ZNF283: variants seen among roughly 807,000 people sequenced by gnomAD.
ZNF283 encodes zinc finger protein 283, also known as zinc finger protein 41.
ZNF283 carries 10 observed loss-of-function variants against 9.2 expected under a neutral mutation model. The observed-to-expected ratio is 1.09, with a 90% CI of 0.67 to 1.85. The LOEUF (loss-of-function observed/expected upper bound fraction) is 1.85, where lower values mean the gene tolerates loss of function less well. ZNF283 is among the 40% of genes most tolerant of loss of function. The pLI is 0.00. For missense variants in ZNF283, 631 were observed against 760.1 expected (o/e 0.83, Z 2.00); for synonymous variants, 234 against 244.1 (o/e 0.96, Z 0.38).
Position 43,833,544 on chromosome 19 carries a change from T to C in ZNF283, c.40T>C (p.Cys14Arg), listed in dbSNP as rs190134631. Reference sequence around the variant, plus strand: ...TGTCGCCCAGGCTGGAGTGCAGTGGTGCGATCTTGGCTCACTGCAAGCTCC... The same window carrying C: ...TGTCGCCCAGGCTGGAGTGCAGTGGCGCGATCTTGGCTCACTGCAAGCTCC... ...RSVAQAGVQW[C>R]DLGSLQAPPP... The change falls in exon 4 of 7, where the codon TGC becomes CGC. Residue 14 changes from cysteine (C) to arginine (R), a missense_variant. Coordinates refer to ENST00000618787, the MANE Select transcript of ZNF283 (RefSeq NM_181845.2). The C allele has an allele frequency of 4.8e-3, 908 of 187,962 alleles. 3 individuals are homozygous for C. Among genetic ancestry groups the C allele is most frequent in the African/African-American group, 0.021 (778 of 37,828 alleles). The allele number at this position is 187,962 out of a possible 1,614,324, so 11.6% of individuals were successfully genotyped here.
At chr19:43,835,395 T>C in intron 4 of ZNF283, 110 bp from the exon 5 acceptor site, 2 of 721,094 alleles carry the variant, frequency 2.8e-6, no homozygotes, top group South Asian at 3.1e-5. Flanking sequence ...AAATGGTGCG[T>C]GGGGTGTGTA....
rs757130205 is a variant in ZNF283 at position 43,837,082 on chromosome 19, C to T, written c.240C>T (p.Ile80=). ...DGLVTFRDVA[I]DFSQEEWECL... is the part of the protein sequence containing the mutation. Reference sequence around the variant, plus strand: ...TGGTGACATTCAGGGATGTGGCCATCGACTTCTCTCAGGAGGAGTGGGAAT... The same window carrying T: ...TGGTGACATTCAGGGATGTGGCCATTGACTTCTCTCAGGAGGAGTGGGAAT... Residue 80 remains isoleucine (I), a synonymous_variant, in exon 6 of 7, where the codon ATC becomes ATT. Transcript: ENST00000618787. 9.9e-6 allele frequency: 16 copies of T among 1,613,924 alleles called. No individual in the cohort carries two copies. The highest frequency in any genetic ancestry group is 1.7e-5 in the Admixed American group (1 of 59,992).
At chr19:43,837,754 C>T (rs1345233922) in intron 6 of ZNF283, 1 of 152,340 alleles carries the variant, frequency 6.6e-6, no homozygotes, top group Non-Finnish European at 1.5e-5. Flanking sequence ...GGAACGCTTT[C>T]TTGAACAGAG....
intron 3 of ZNF283, among the ~76,000 whole-genome samples, 171 bp from the exon 4 acceptor site, chr19:43,833,334 C>T (rs1365350148): frequency 6.6e-6 from 1 of 152,062 alleles, no homozygotes; most frequent in African/African-American, 2.4e-5. Flanking sequence ...GAACCAACAC[C>T]ATCATAACTA....
chr19:43,838,456 T>C (rs1452086610), intron 6 of ZNF283, among the ~76,000 whole-genome samples: 3 of 152,056 alleles, frequency 2.0e-5, no homozygotes, highest in Non-Finnish European at 4.4e-5. Flanking sequence ...CAAAACCCCA[T>C]CTCTACAAAA....
intron 6 of ZNF283, among the ~76,000 whole-genome samples, chr19:43,842,968 G>A (rs781598335): frequency 1.5e-4 from 23 of 152,158 alleles, no homozygotes; most frequent in Non-Finnish European, 1.2e-4. Context: ...TAATGAAATG[G>A]GAAGTATCCA....
chr19:43,830,461 A>T (rs532615522), intron 2 of ZNF283, among the ~76,000 whole-genome samples: 53 of 152,208 alleles, frequency 3.5e-4, no homozygotes, highest in African/African-American at 1.3e-3. Context: ...ATTGAGACTA[A>T]ATTTTTGTAA....
At chr19:43,833,119 G>A (rs1970789271) in intron 3 of ZNF283, among the ~76,000 whole-genome samples, 1 of 151,706 alleles carries the variant, frequency 6.6e-6, no homozygotes, top group African/African-American at 2.4e-5. Flanking sequence ...CTCTTCTATG[G>A]TAGACACTGT....
In ZNF283 at chr19:43,847,945, A is replaced by G; in HGVS notation, c.1344A>G (p.Gln448=). ...TTAGTCGTGGCTATCACCTTTCTCA[A>G]CATCAGAAAATCCATACTGGTGAGA... ...KAFSRGYHLS[Q]HQKIHTGEKP... The change falls in exon 7 of 7, where the codon CAA becomes CAG. Residue 448 remains glutamine, a synonymous_variant. Transcript: ENST00000618787. The G allele has an allele frequency of 6.2e-7, 1 of 1,613,794 alleles. No individual in the cohort carries two copies. Among genetic ancestry groups the G allele is most frequent in the Non-Finnish European group, 8.5e-7 (1 of 1,179,894 alleles).
intron 3 of ZNF283, 69 bp downstream of exon 3, chr19:43,831,450 C>T: frequency 8.0e-7 from 1 of 1,249,396 alleles, no homozygotes; most frequent in Non-Finnish European, 1.1e-6. Flanking sequence ...TTCTTAATGA[C>T]TGGAATATAT....
intron 4 of ZNF283, among the ~76,000 whole-genome samples, chr19:43,835,293 C>A (rs954791510): frequency 3.3e-5 from 5 of 152,144 alleles, no homozygotes; most frequent in Admixed American, 3.3e-4. Context: ...ATTGTCGAAT[C>A]CCAGGTCCAG....
intron 4 of ZNF283, 146 bp from the exon 5 acceptor site, chr19:43,835,359 G>A (rs528859609): frequency 1.0e-5 from 6 of 599,722 alleles, no homozygotes; most frequent in African/African-American, 5.5e-5. Flanking sequence ...AGACCTTTGG[G>A]GTTTAGGTGA....
At chr19:43,835,456 T>C (rs2146544822) in intron 4 of ZNF283, 49 bp from the exon 5 acceptor site, 2 of 1,209,310 alleles carry the variant, frequency 1.7e-6, no homozygotes, top group East Asian at 2.4e-5. Context: ...TAAGTCAGGA[T>C]GGGATCACTG....
At position 43,829,348 on chromosome 19, in the gene ZNF283, G is replaced by T. The variant is rs191076997; in HGVS notation, c.-65+1067G>T. ...TGCAGTGAGCCAAGATTGCACCACTGCACTCCAGCCTGGGTGACAGAGAGA... is the reference window on the plus strand; with the variant it reads ...TGCAGTGAGCCAAGATTGCACCACTTCACTCCAGCCTGGGTGACAGAGAGA... On this transcript the variant is annotated intron_variant, in intron 2 of 6. Transcript: ENST00000618787. Among the ~76,000 whole-genome samples, 374 of 152,290 alleles carry T rather than the reference G, an allele frequency of 2.5e-3. 2 individuals are homozygous for T. The highest frequency in any genetic ancestry group is 8.4e-3 in the African/African-American group (348 of 41,550).
intron 6 of ZNF283, among the ~76,000 whole-genome samples, chr19:43,843,674 A>C (rs1446332310): frequency 6.6e-6 from 1 of 152,258 alleles, no homozygotes; most frequent in Non-Finnish European, 1.5e-5. Context: ...AAAGATCTGC[A>C]TAACTCTTTG....
chr19:43,831,405 C>T (rs1970704163), intron 3 of ZNF283, 24 bp downstream of exon 3: 6 of 1,583,550 alleles, frequency 3.8e-6, no homozygotes, highest in Middle Eastern at 3.3e-4. Flanking sequence ...GTTTCAGGCC[C>T]ACTGATTTTC....
In ZNF283 at chr19:43,835,595, A is replaced by G. The variant is rs770423197; in HGVS notation, c.210+3A>G. ...GCAATTCCAGAACCATGACTGATGT[A>G]AGTTGGTATTTTTCTCTCCATGAAA... is the stretch of plus-strand genomic sequence containing the variant. On this transcript the variant is annotated splice_donor_region_variant and intron_variant, in intron 5 of 6. Coordinates refer to ENST00000618787, the MANE Select transcript of ZNF283 (RefSeq NM_181845.2). 3 of 1,593,688 alleles carry G rather than the reference A, an allele frequency of 1.9e-6. No homozygotes were observed. In the Admixed American group the frequency reaches 5.1e-5, roughly 27 times the overall value.
At chr19:43,840,426 C>G (rs1971155104) in intron 6 of ZNF283, among the ~76,000 whole-genome samples, 1 of 152,092 alleles carries the variant, frequency 6.6e-6, no homozygotes, top group African/African-American at 2.4e-5. Flanking sequence ...ACCGGCTGTT[C>G]CAGGAATACA....
In ZNF283 at chr19:43,848,525, C is replaced by G. The variant is rs1196238805; in HGVS notation, c.1924C>G (p.Leu642Val). 1 of 1,612,986 alleles carries G rather than the reference C, an allele frequency of 6.2e-7. No individual in the cohort carries two copies. Among genetic ancestry groups the G allele is most frequent in the Non-Finnish European group, 8.5e-7 (1 of 1,179,126 alleles). ...FGKTFTCGSKLVHERTHSNDK... is the reference protein window; with the variant it reads ...FGKTFTCGSKVVHERTHSNDK... ...GAAGACCTTTACTTGTGGCTCAAAA[C>G]TTGTTCATGAGAGAACTCATAGTAA... is the stretch of plus-strand genomic sequence containing the variant. The change falls in exon 7 of 7, where the codon CTT (leucine) becomes GTT (valine). Residue 642 changes from leucine (L) to valine (V), a missense_variant. Physicochemically the swap from Leu to Val is conservative, Grantham distance 32. Coordinates refer to ENST00000618787, the MANE Select transcript of ZNF283 (RefSeq NM_181845.2).
Sources: allele counts gnomAD v4.1 joint callset (sites outside exome capture counted in the v4.1 genomes callset), GRCh38; gene constraint gnomAD v4.1.1; transcripts MANE v1.5; gene names NCBI Gene and HGNC (gene_info 2026-07-23, HGNC 2026-07-21).